Variants in ZNF131 observed in about 807,000 individuals in gnomAD.
ZNF131 encodes the protein zinc finger protein 131.
Under a neutral mutation model 60.0 loss-of-function variants are expected in ZNF131, and 7 were observed. That is an observed-to-expected ratio of 0.12 (90% CI 0.07 to 0.22). The LOEUF is 0.22. Among genes scored for constraint, ZNF131 ranks in the 10% least tolerant of loss-of-function variants. The pLI, the probability that ZNF131 is intolerant of heterozygous loss-of-function variation, is 1.00. For synonymous variants in ZNF131, 257 were observed against 253.2 expected (o/e 1.01, Z -0.14); for missense variants, 493 against 740.9 (o/e 0.67, Z 3.88).
rs1751507001 is a variant in ZNF131, at chr5:43,175,736, C to CAAA, written c.*603_*604insAAA. On this transcript the variant is annotated 3_prime_UTR_variant, in exon 7 of 7. Coordinates refer to ENST00000682664, the MANE Select transcript of ZNF131 (RefSeq NM_001330707.2). Reference sequence around the variant, plus strand: ...TAGAATGTTAAAAAAAAAAAAAAATCCACACCCATGTGCCTTCTCAAAACC... The same window carrying CAAA: ...TAGAATGTTAAAAAAAAAAAAAAATCAAACACACCCATGTGCCTTCTCAAAACC... 1 of 239,032 alleles carries CAAA rather than the reference C, an allele frequency of 4.2e-6. No homozygotes were observed. The highest frequency in any genetic ancestry group is 7.8e-5 in the Admixed American group (1 of 12,864). 14.8% of individuals were successfully genotyped at this position (239,032 alleles called of 1,614,324 possible).
chr5:43,140,243 G>A (rs1260773430), intron 4 of ZNF131, among the ~76,000 whole-genome samples: 1 of 152,128 alleles, frequency 6.6e-6, no homozygotes, highest in African/African-American at 2.4e-5. Context: ...AAGAGAAAAC[G>A]TGAAAGGATA....
chr5:43,147,169 G>A (rs776976992), intron 4 of ZNF131, among the ~76,000 whole-genome samples: 2 of 151,838 alleles, frequency 1.3e-5, no homozygotes, highest in Non-Finnish European at 2.9e-5. Context: ...CCTTTTCATT[G>A]CTGAGTAGTA....
intron 4 of ZNF131, among the ~76,000 whole-genome samples, chr5:43,159,602 G>GGA (rs1370756907): frequency 6.6e-6 from 1 of 151,218 alleles, no homozygotes; most frequent in Non-Finnish European, 1.5e-5. Flanking sequence ...GGCTGAGGCA[G>GGA]GAGAATCACT....
At position 43,161,949 on chromosome 5, in the gene ZNF131, T is replaced by C. The variant is rs201062058; in HGVS notation, c.1054+18T>C. ...ACATACAGGTAATGAGCAAATACTT[T>C]GTTAAAATTTTTTTTTCCCACATGC... On this transcript the variant is annotated intron_variant, in intron 5 of 6. Coordinates refer to ENST00000682664, the MANE Select transcript of ZNF131 (RefSeq NM_001330707.2). 6.5e-5 allele frequency: 101 copies of C among 1,543,224 alleles called. 1 individual carries two copies. The Admixed American group carries it at 1.5e-3, about 23-fold the overall frequency.
chr5:43,167,970 G>A, intron 5 of ZNF131: 1 of 454,260 alleles, frequency 2.2e-6, no homozygotes, highest in South Asian at 1.6e-5. Context: ...GGCCACATCT[G>A]GTGAGAGCCC....
At chr5:43,125,086 C>A (rs1042215209) in intron 3 of ZNF131, 1 of 150,124 alleles carries the variant, frequency 6.7e-6, no homozygotes, top group East Asian at 2.0e-4. Context: ...ATATCATGTA[C>A]TATGTTAGAC....
intron 4 of ZNF131, among the ~76,000 whole-genome samples, chr5:43,140,406 C>T (rs958815737): frequency 6.6e-6 from 1 of 152,178 alleles, no homozygotes; most frequent in African/African-American, 2.4e-5. Flanking sequence ...CTCCTGTCAG[C>T]TGTGTCCTCC....
Position 43,161,515 on chromosome 5 carries a change from T to A in ZNF131, c.638T>A (p.Leu213Gln). 6.2e-7 allele frequency: 1 copy of A among 1,614,254 alleles called. No individual in the cohort carries two copies. Among genetic ancestry groups the A allele is most frequent in the Non-Finnish European group, 8.5e-7 (1 of 1,180,042 alleles). Residue 213 changes from leucine (L) to glutamine (Q), a missense_variant, in exon 5 of 7, where the codon CTG (leucine) becomes CAG (glutamine). Leu to Gln is a moderately radical substitution (Grantham distance 113). This residue lies in a region of ZNF131 where 138 missense variants were observed against 158.7 expected (regional missense o/e 0.87). Coordinates refer to ENST00000682664, the MANE Select transcript of ZNF131 (RefSeq NM_001330707.2). ...TGSSDDSALALLADITSKYRQ... is the reference protein window; with the variant it reads ...TGSSDDSALAQLADITSKYRQ... ...TCCTCTGATGATTCTGCTCTAGCAC[T>A]GTTGGCAGATATTACCAGCAAGTAC...
intron 3 of ZNF131, among the ~76,000 whole-genome samples, chr5:43,132,090 G>C (rs772789650): frequency 6.6e-5 from 10 of 152,128 alleles, no homozygotes; most frequent in Non-Finnish European, 1.3e-4. Flanking sequence ...ATGTGTGTTT[G>C]ATTAAAAATC....
intron 6 of ZNF131, among the ~76,000 whole-genome samples, chr5:43,173,760 T>C (rs1372553635): frequency 1.3e-5 from 2 of 151,588 alleles, no homozygotes; most frequent in Non-Finnish European, 3.0e-5. Flanking sequence ...CCCCCCATGA[T>C]TAGTGTATTT....
chr5:43,151,460 G>C (rs1354094726), intron 4 of ZNF131, among the ~76,000 whole-genome samples: 1 of 129,312 alleles, frequency 7.7e-6, no homozygotes, highest in Non-Finnish European at 1.9e-5. Flanking sequence ...TTTTGAGACG[G>C]AGTCTCACTC....
rs568193733 is a variant in ZNF131, at chr5:43,136,829, A to G, written c.227-2336A>G. On this transcript the variant is annotated intron_variant, in intron 3 of 6. Coordinates refer to ENST00000682664, the MANE Select transcript of ZNF131 (RefSeq NM_001330707.2). The stretch of plus-strand genomic sequence containing the variant: ...TATCAAAATATTTTACAGAGCTACA[A>G]TAACCAAAACAGTATGGGACTAGCT... Among the ~76,000 whole-genome samples, 8 of 151,974 alleles carry G rather than the reference A, an allele frequency of 5.3e-5. No homozygotes were observed. The East Asian group carries it at 7.7e-4, about 15-fold the overall frequency.
At chr5:43,173,273 G>T in intron 5 of ZNF131, 45 bp from the exon 6 acceptor site, 1 of 1,486,666 alleles carries the variant, frequency 6.7e-7, no homozygotes, top group Non-Finnish European at 9.0e-7. Flanking sequence ...TTTGCTCTTA[G>T]GATTTTTCTT....
intron 5 of ZNF131, among the ~76,000 whole-genome samples, chr5:43,167,307 C>T (rs895435286): frequency 2.6e-5 from 4 of 152,018 alleles, no homozygotes; most frequent in Admixed American, 6.5e-5. Context: ...AAAATGGCAG[C>T]GATAAACTTG....
At chr5:43,157,939 G>A (rs1311979584) in intron 4 of ZNF131, among the ~76,000 whole-genome samples, 9 of 152,190 alleles carry the variant, frequency 5.9e-5, no homozygotes, top group African/African-American at 2.2e-4. Flanking sequence ...GACACTAATT[G>A]TATTGAATTA....
At chr5:43,152,932 C>T (rs754657124) in intron 4 of ZNF131, among the ~76,000 whole-genome samples, 20 of 152,140 alleles carry the variant, frequency 1.3e-4, no homozygotes, top group Middle Eastern at 3.2e-3. Context: ...TTGTCCCTCC[C>T]TGCCCTATAT....
At chr5:43,129,989 G>C (rs1057389231) in intron 3 of ZNF131, among the ~76,000 whole-genome samples, 1 of 151,556 alleles carries the variant, frequency 6.6e-6, no homozygotes, top group African/African-American at 2.4e-5. Flanking sequence ...TGGGAGGCCA[G>C]GCGCGGTGGC....
intron 4 of ZNF131, among the ~76,000 whole-genome samples, chr5:43,158,400 C>T (rs151107651): frequency 0.011 from 1,602 of 152,216 alleles, 31 homozygotes; most frequent in African/African-American, 0.037. Flanking sequence ...AGTGATTCTC[C>T]TGCCTCAGCC....
chr5:43,155,074 G>T (rs1457648635), intron 4 of ZNF131, among the ~76,000 whole-genome samples: 1 of 152,202 alleles, frequency 6.6e-6, no homozygotes, highest in Non-Finnish European at 1.5e-5. Flanking sequence ...CAGCAGCCCA[G>T]TGAACACCGT....
Sources: gnomAD v4.1 joint callset for allele counts (sites outside exome capture counted in the v4.1 genomes callset) on GRCh38, gnomAD v4.1.1 for gene constraint, gnomAD v4.1.1 regional missense constraint, MANE v1.5 for transcripts, NCBI Gene and HGNC (gene_info 2026-07-23, HGNC 2026-07-21) for gene names.